ZNF564: variants seen among roughly 807,000 people sequenced by gnomAD.
The protein encoded by ZNF564 is zinc finger protein 564.
Under a neutral mutation model 10.5 loss-of-function variants are expected in ZNF564, and 5 were observed. That is an observed-to-expected ratio of 0.48 (90% CI 0.25 to 1.00). The LOEUF (loss-of-function observed/expected upper bound fraction) is 1.00, where lower values mean the gene tolerates loss of function less well. Among genes scored for constraint, ZNF564 ranks in the 50% least tolerant of loss-of-function variants. ZNF564 has a pLI of 0.16. For synonymous variants in ZNF564, 242 were observed against 218.1 expected, an observed-to-expected ratio of 1.11 and a Z score of -0.97; for missense variants, 603 against 669.7, an observed-to-expected ratio of 0.90 and a Z score of 1.10.
At chr19:12,549,947 T>A (rs1337257909) in intron 1 of ZNF564, among the ~76,000 whole-genome samples, 1 of 152,116 alleles carries the variant, frequency 6.6e-6, no homozygotes, top group Non-Finnish European at 1.5e-5. Context: ...CCAAAGACAT[T>A]CTGATTAGGC....
In ZNF564 at chr19:12,551,403, A is replaced by G. The variant is rs2022259788; in HGVS notation, c.-71T>C. ...CGGCCTGTGCAGGTCCCAGCGCGCC[A>G]GACGCTGCGGTGGAGCCACCGGGGC... On this transcript the variant is annotated 5_prime_UTR_variant, in exon 1 of 4. Coordinates refer to ENST00000339282, the MANE Select transcript of ZNF564 (RefSeq NM_144976.4). The G allele has an allele frequency of 1.3e-6, 2 of 1,498,382 alleles. No homozygotes were observed. The highest frequency in any genetic ancestry group is 2.3e-5 in the Admixed American group (1 of 44,342). The allele number at this position is 1,498,382 out of a possible 1,614,324, so 92.8% of individuals were successfully genotyped here.
chr19:12,528,216 G>C, intron 3 of ZNF564, 88 bp downstream of exon 3: 1 of 1,270,692 alleles, frequency 7.9e-7, no homozygotes, highest in East Asian at 2.3e-5. Context: ...TAAATCTGAA[G>C]CTGGGCTTAC....
chr19:12,527,068 C>A lies in ZNF564; in HGVS notation c.1040G>T (p.Ser347Ile). 1.2e-6 allele frequency: 2 copies of A among 1,613,868 alleles called. No homozygotes were observed. The change falls in exon 4 of 4, where the codon AGT becomes ATT. Residue 347 changes from serine to isoleucine, a missense_variant. Transcript: ENST00000339282. Reference protein sequence around the residue: ...YECNKCGKTFSSSSNVRTHER... With the variant: ...YECNKCGKTFISSSNVRTHER... Reference sequence around the variant, plus strand: ...ATGTGTTCGAACATTACTGGAAGAACTGAAGGTTTTACCACATTTATTACA... The same window carrying A: ...ATGTGTTCGAACATTACTGGAAGAAATGAAGGTTTTACCACATTTATTACA...
At chr19:12,548,087 C>A (rs2022186631) in intron 1 of ZNF564, 5 of 885,258 alleles carry the variant, frequency 5.6e-6, no homozygotes, top group Non-Finnish European at 6.8e-6. Context: ...GGATTACAGG[C>A]ATGAGCCACC....
chr19:12,550,987 TG>T (rs2022246149), intron 1 of ZNF564, among the ~76,000 whole-genome samples: 1 of 152,218 alleles, frequency 6.6e-6, no homozygotes, highest in Admixed American at 6.5e-5. Flanking sequence ...GCTCTTCCCA[TG>T]CACGAACCGC....
chr19:12,536,166 A>C (rs1052584118), intron 1 of ZNF564, among the ~76,000 whole-genome samples: 4 of 152,124 alleles, frequency 2.6e-5, no homozygotes, highest in Non-Finnish European at 2.9e-5. Context: ...AAAAGTAACT[A>C]ATCACTGAAC....
In ZNF564 at chr19:12,528,319, T is replaced by C; in HGVS notation, c.176A>G (p.Gln59Arg). ...TGCAAATTACCTTAAAATTCTCCCC[T>C]GATTTTTGTACCAATCTTCAATGCT... ...DQSIEDWYKNQGRILRNHMEE... is the reference protein window; with the variant it reads ...DQSIEDWYKNRGRILRNHMEE... Residue 59 changes from glutamine (Q) to arginine (R), a missense_variant, in exon 3 of 4, where the codon CAG becomes CGG. Transcript: ENST00000339282. 6.2e-7 allele frequency: 1 copy of C among 1,609,800 alleles called. No homozygotes were observed. Among genetic ancestry groups the C allele is most frequent in the Non-Finnish European group, 8.5e-7 (1 of 1,179,080 alleles).
chr19:12,528,274 A>G, intron 3 of ZNF564, 30 bp downstream of exon 3: 1 of 1,579,222 alleles, frequency 6.3e-7, no homozygotes, highest in Non-Finnish European at 8.6e-7. Flanking sequence ...TAAGAAGGAG[A>G]CATTGCTTTA....
intron 1 of ZNF564, among the ~76,000 whole-genome samples, chr19:12,537,878 C>G (rs566548872): frequency 1.3e-5 from 2 of 152,052 alleles, no homozygotes; most frequent in Non-Finnish European, 2.9e-5. Context: ...TCATTTATTA[C>G]TTCTAAGTGC....
chr19:12,532,732 AT>A (rs1268026184), intron 1 of ZNF564, among the ~76,000 whole-genome samples: 2 of 151,818 alleles, frequency 1.3e-5, no homozygotes, highest in Non-Finnish European at 1.5e-5. Flanking sequence ...TCTAAAAAAA[AT>A]AAATTAAATT....
At chr19:12,538,898 A>G (rs181527992) in intron 1 of ZNF564, among the ~76,000 whole-genome samples, 85 of 152,230 alleles carry the variant, frequency 5.6e-4, no homozygotes, top group Non-Finnish European at 1.1e-3. Context: ...GTTTATAATC[A>G]TAACTAATAC....
rs1204134184 is a variant in ZNF564, at chr19:12,526,421, T to C, written c.*25A>G. The C allele has an allele frequency of 4.6e-6, 7 of 1,537,618 alleles. No individual in the cohort carries two copies. The highest frequency in any genetic ancestry group is 1.3e-5 in the South Asian group (1 of 75,952). On this transcript the variant is annotated 3_prime_UTR_variant, in exon 4 of 4. Transcript: ENST00000339282. ...AGACTTTCCATATTCTTTAGATATG[T>C]AGATACTTGTAGACCTGTCCTCCAC...
chr19:12,536,311 G>T (rs1285841034), intron 1 of ZNF564, among the ~76,000 whole-genome samples: 1 of 152,030 alleles, frequency 6.6e-6, no homozygotes, highest in African/African-American at 2.4e-5. Context: ...CAAGGATCTG[G>T]GACTACAGGT....
chr19:12,543,673 CAAAAAAAAAAA>C (rs57611686), intron 1 of ZNF564, among the ~76,000 whole-genome samples: 7 of 62,256 alleles, frequency 1.1e-4, no homozygotes, highest in African/African-American at 4.2e-4. Flanking sequence ...GACTTCGTCT[CAAAAAAAAAAA>C]AAAAAAAAAA....
chr19:12,539,077 A>T (rs2021980854), intron 1 of ZNF564, among the ~76,000 whole-genome samples: 2 of 150,662 alleles, frequency 1.3e-5, no homozygotes, highest in South Asian at 2.1e-4. Context: ...AAAAAATTCA[A>T]AAAAAAATTA....
chr19:12,528,062 G>A lies in ZNF564; in HGVS notation c.192-146C>T, dbSNP rs183780468. ...TGAAAGTGAATGGATGGAATGCTCT[G>A]CAAGAGAGCTTGACAGTAGCTATCA... On this transcript the variant is annotated intron_variant, in intron 3 of 3. Coordinates refer to ENST00000339282, the MANE Select transcript of ZNF564 (RefSeq NM_144976.4). 5.2e-5 allele frequency: 50 copies of A among 962,504 alleles called. No individual in the cohort carries two copies. The East Asian group carries it at 1.2e-3, about 22-fold the overall frequency. 59.6% of individuals were successfully genotyped at this position (962,504 alleles called of 1,614,324 possible). A position where few individuals can be genotyped will look rare whatever the true frequency, so the allele number is the denominator to read the frequency against.
At chr19:12,532,174 T>C (rs1298940662) in intron 1 of ZNF564, among the ~76,000 whole-genome samples, 1 of 151,714 alleles carries the variant, frequency 6.6e-6, no homozygotes, top group East Asian at 1.9e-4. Flanking sequence ...TAATTTATTG[T>C]GAATAGACCC....
At chr19:12,540,650 C>CAA (rs2022025761) in intron 1 of ZNF564, among the ~76,000 whole-genome samples, 2 of 152,082 alleles carry the variant, frequency 1.3e-5, no homozygotes, top group East Asian at 1.9e-4. Context: ...GTCAGGAGAT[C>CAA]GCCACCATCC....
intron 1 of ZNF564, among the ~76,000 whole-genome samples, chr19:12,535,788 G>A (rs1443665569): frequency 6.6e-6 from 1 of 152,136 alleles, no homozygotes; most frequent in East Asian, 1.9e-4. Flanking sequence ...GGCTCAGACA[G>A]GCAGATCACG....
Sources: allele counts gnomAD v4.1 joint callset (sites outside exome capture counted in the v4.1 genomes callset), GRCh38; gene constraint gnomAD v4.1.1; transcripts MANE v1.5; gene names NCBI Gene and HGNC (gene_info 2026-07-23, HGNC 2026-07-21).